CD86: variants seen among roughly 807,000 people sequenced by gnomAD.
The protein encoded by CD86 is T-lymphocyte activation antigen CD86.
CD86 carries 11 observed loss-of-function variants against 32.1 expected under a neutral mutation model. The observed-to-expected ratio is 0.34, with a 90% CI of 0.22 to 0.57. The LOEUF (loss-of-function observed/expected upper bound fraction) is 0.57. CD86 is among the 20% of genes least tolerant of loss of function. The pLI, the probability that CD86 is intolerant of heterozygous loss-of-function variation, is 0.86. For synonymous variants in CD86, 137 were observed against 135.3 expected (o/e 1.01, Z -0.09); for missense variants, 359 against 398.4 (o/e 0.90, Z 0.84).
At chr3:122,098,272 A>C (rs1400301292) in intron 2 of CD86, among the ~76,000 whole-genome samples, 1 of 152,202 alleles carries the variant, frequency 6.6e-6, no homozygotes, top group Non-Finnish European at 1.5e-5. Flanking sequence ...GGTTAGAGAA[A>C]TCTCCCTGGG....
At chr3:122,081,412 A>G (rs750143581) in intron 1 of CD86, among the ~76,000 whole-genome samples, 9 of 152,354 alleles carry the variant, frequency 5.9e-5, no homozygotes, top group Middle Eastern at 3.4e-3. Context: ...GTGAAACTCA[A>G]TCAACACTAA....
At chr3:122,067,946 C>T (rs562108173) in intron 1 of CD86, among the ~76,000 whole-genome samples, 1 of 152,048 alleles carries the variant, frequency 6.6e-6, no homozygotes, top group Non-Finnish European at 1.5e-5. Context: ...TCTGCATCAC[C>T]GACTTGAAAA....
At position 122,120,500 on chromosome 3, in the gene CD86, G is replaced by A. The variant is rs2073327633; in HGVS notation, c.*966G>A. On this transcript the variant is annotated 3_prime_UTR_variant, in exon 7 of 7. Transcript: ENST00000330540. Reference sequence around the variant, plus strand: ...TCTTGAAACAAGCAACAGATGGATAGTCTGTCCAAATGGACATAAGACAGA... The same window carrying A: ...TCTTGAAACAAGCAACAGATGGATAATCTGTCCAAATGGACATAAGACAGA... 1 of 152,262 alleles carries A rather than the reference G, an allele frequency of 6.6e-6. No homozygotes were observed. Among genetic ancestry groups the A allele is most frequent in the Admixed American group, 6.5e-5 (1 of 15,282 alleles). The allele number at this position is 152,262 out of a possible 1,614,324, so 9.4% of individuals were successfully genotyped here.
chr3:122,109,438 T>C (rs1366190051), intron 5 of CD86, 30 bp downstream of exon 5: 2 of 1,612,802 alleles, frequency 1.2e-6, no homozygotes, highest in African/African-American at 2.7e-5. Flanking sequence ...CCCCACAGAC[T>C]GTCACTTTGC....
At chr3:122,103,455 G>A (rs2073041508) in intron 2 of CD86, 57 bp from the exon 3 acceptor site, 2 of 1,151,406 alleles carry the variant, frequency 1.7e-6, no homozygotes, top group Non-Finnish European at 2.5e-6. Context: ...GAGAAATGGA[G>A]GTTTTTTCCC....
intron 1 of CD86, among the ~76,000 whole-genome samples, chr3:122,085,542 G>A (rs536704082): frequency 3.0e-4 from 45 of 152,268 alleles, no homozygotes; most frequent in African/African-American, 1.0e-3. Context: ...ACTGTGTACC[G>A]TCTAAGCCAC....
intron 1 of CD86, among the ~76,000 whole-genome samples, chr3:122,087,617 A>AGGG (rs1252697839): frequency 6.6e-6 from 1 of 152,192 alleles, no homozygotes; most frequent in Non-Finnish European, 1.5e-5. Context: ...CTATTACAGC[A>AGGG]GGGTCACTGA....
At chr3:122,078,818 T>A (rs2072589867) in intron 1 of CD86, among the ~76,000 whole-genome samples, 1 of 152,212 alleles carries the variant, frequency 6.6e-6, no homozygotes. Flanking sequence ...TAAACTGTAA[T>A]AATGAAGGAA....
chr3:122,099,349 G>C (rs1325665559), intron 2 of CD86, among the ~76,000 whole-genome samples: 2 of 152,070 alleles, frequency 1.3e-5, no homozygotes, highest in East Asian at 3.9e-4. Flanking sequence ...GGGGTGGGAG[G>C]CTGGGAATAA....
At chr3:122,076,294 T>C (rs1164179417) in intron 1 of CD86, among the ~76,000 whole-genome samples, 1 of 152,244 alleles carries the variant, frequency 6.6e-6, no homozygotes, top group East Asian at 1.9e-4. Context: ...ATAGCTAGCC[T>C]TTCAATTTAG....
intron 1 of CD86, among the ~76,000 whole-genome samples, chr3:122,077,062 A>C (rs1336431850): frequency 6.6e-6 from 1 of 152,190 alleles, no homozygotes; most frequent in African/African-American, 2.4e-5. Context: ...CTAGCCTCCA[A>C]GAGATCAGGG....
At chr3:122,073,050 G>A (rs912027350) in intron 1 of CD86, among the ~76,000 whole-genome samples, 18 of 151,328 alleles carry the variant, frequency 1.2e-4, no homozygotes, top group African/African-American at 9.7e-5. Flanking sequence ...TAGATATGCG[G>A]CCTTATTTCT....
intron 1 of CD86, chr3:122,077,788 G>A: frequency 1.0e-6 from 1 of 985,500 alleles, no homozygotes; most frequent in Non-Finnish European, 1.2e-6. Flanking sequence ...GCCGGCAGAA[G>A]TTATTTGGAA....
chr3:122,118,003 T>G, intron 5 of CD86, 45 bp from the exon 6 acceptor site: 1 of 1,543,304 alleles, frequency 6.5e-7, no homozygotes, highest in African/African-American at 1.4e-5. Flanking sequence ...TCTTTTGGTA[T>G]CTAGGAGGAA....
At position 122,101,513 on chromosome 3, in the gene CD86, A is replaced by AATATATATATAT. The variant is rs58001956; in HGVS notation, c.65-1982_65-1971dup. Among the ~76,000 whole-genome samples, 157 of 46,124 alleles carry AATATATATATAT rather than the reference A, an allele frequency of 3.4e-3. 1 individual carries two copies. Among genetic ancestry groups the AATATATATATAT allele is most frequent in the African/African-American group, 7.9e-3 (92 of 11,636 alleles). 30.3% of individuals were successfully genotyped at this position (46,124 alleles called of 152,430 possible). A position where few individuals can be genotyped will look rare whatever the true frequency, so the allele number is the denominator to read the frequency against. On this transcript the variant is annotated intron_variant, in intron 2 of 6. Transcript: ENST00000330540. ...CTCTACAGAAAAAAAAAAAAAAAAAAATATATATATATATATATATATATA... is the reference window on the plus strand; with the variant it reads ...CTCTACAGAAAAAAAAAAAAAAAAAAATATATATATATATATATATATATATATATATATATA...
At chr3:122,066,616 G>A (rs1406441770) in intron 1 of CD86, among the ~76,000 whole-genome samples, 1 of 152,144 alleles carries the variant, frequency 6.6e-6, no homozygotes, top group East Asian at 1.9e-4. Context: ...AAGATTAAAT[G>A]AAGTAATGCA....
chr3:122,097,926 G>A (rs1377657989), intron 2 of CD86, among the ~76,000 whole-genome samples: 2 of 152,162 alleles, frequency 1.3e-5, no homozygotes, highest in African/African-American at 4.8e-5. Flanking sequence ...GAATGAGGGT[G>A]CCTGGGCTAA....
intron 1 of CD86, chr3:122,077,711 C>G: frequency 1.0e-6 from 1 of 969,902 alleles, no homozygotes; most frequent in Middle Eastern, 5.3e-4. Flanking sequence ...TGGGGGTTTC[C>G]CAGGGCTTTA....
intron 1 of CD86, among the ~76,000 whole-genome samples, chr3:122,067,512 ACACAGAAAATCTCTTTTAAAAATAAT>A (rs955182980): frequency 1.3e-5 from 2 of 152,234 alleles, no homozygotes; most frequent in African/African-American, 4.8e-5. Flanking sequence ...CAAAACAAAA[ACACAGAAAATCTCTTTTAAAAATAAT>A]CTCTTTTGTT....
Sources: allele counts gnomAD v4.1 joint callset (sites outside exome capture counted in the v4.1 genomes callset), GRCh38; gene constraint gnomAD v4.1.1; transcripts MANE v1.5; gene names NCBI Gene and HGNC (gene_info 2026-07-23, HGNC 2026-07-21).